The following BRWD1 variants were observed in gnomAD, a reference collection of about 807,000 sequenced individuals.
The protein encoded by BRWD1 is bromodomain and WD repeat domain containing 1.
A neutral mutation model predicts 251.2 loss-of-function variants in BRWD1; 82 were observed. The observed-to-expected ratio is 0.33, with a 90% CI of 0.27 to 0.39. BRWD1 has a LOEUF of 0.39. BRWD1 is among the 10% of genes least tolerant of loss of function. The pLI is 1.00. For missense variants in BRWD1, 2,233 were observed against 2,711.6 expected (o/e 0.82, Z 3.92); for synonymous variants, 918 against 902.8 (o/e 1.02, Z -0.30).
At chr21:39,267,391 C>T (rs983611644) in intron 15 of BRWD1, among the ~76,000 whole-genome samples, 1 of 152,008 alleles carries the variant, frequency 6.6e-6, no homozygotes, top group Non-Finnish European at 1.5e-5. Context: ...GTCAGGAGAT[C>T]GAGACCATCC....
intron 25 of BRWD1, among the ~76,000 whole-genome samples, chr21:39,231,332 A>G (rs1479554639): frequency 6.6e-6 from 1 of 152,156 alleles, no homozygotes; most frequent in Non-Finnish European, 1.5e-5. Context: ...CATTTTTCCT[A>G]TTAGTAATAC....
rs200572296 is a variant in BRWD1, at chr21:39,232,259, T to C, written c.2918A>G (p.Glu973Gly). The change falls in exon 25 of 41, where the codon GAA becomes GGA. Residue 973 changes from glutamate to glycine, a missense_variant. Physicochemically the swap from Glu to Gly is moderately conservative, Grantham distance 98. This residue lies in a region of BRWD1 where 139 missense variants were observed against 272.8 expected (regional missense o/e 0.51). Coordinates refer to ENST00000342449, the MANE Select transcript of BRWD1 (RefSeq NM_033656.4). ...TCTTCTTACAGCCTCAATATAAGCT[T>C]CATGACCCTGTCGAAAATATATTAC... ...DEVIYFRQGH[E>G]AYIEAVRRNN... 8 of 1,613,290 alleles carry C rather than the reference T, an allele frequency of 5.0e-6. No individual in the cohort carries two copies. In the Admixed American group the frequency reaches 1.3e-4, roughly 27 times the overall value.
chr21:39,213,368 A>G (rs2032747145), intron 33 of BRWD1, 113 bp downstream of exon 33: 5 of 867,502 alleles, frequency 5.8e-6, no homozygotes, highest in Non-Finnish European at 3.7e-6. Flanking sequence ...CAAATGCCCT[A>G]TTTGTTCATT....
intron 34 of BRWD1, 95 bp downstream of exon 34, chr21:39,212,571 T>C: frequency 4.2e-6 from 4 of 959,722 alleles, no homozygotes; most frequent in Non-Finnish European, 6.5e-6. Flanking sequence ...GTATCTACAC[T>C]GATATAACTT....
At position 39,192,683 on chromosome 21, in the gene BRWD1, G is replaced by A. The variant is rs2031613843; in HGVS notation, c.*3576C>T. 2 of 984,746 alleles carry A rather than the reference G, an allele frequency of 2.0e-6. No individual in the cohort carries two copies. The highest frequency in any genetic ancestry group is 4.7e-5 in the South Asian group (1 of 21,274). 61.0% of individuals were successfully genotyped at this position (984,746 alleles called of 1,614,324 possible). On this transcript the variant is annotated 3_prime_UTR_variant, in exon 41 of 41. Coordinates refer to ENST00000342449, the MANE Select transcript of BRWD1 (RefSeq NM_033656.4). ...GAGCTGGTTATTTCAGCTTTAAAAG[G>A]GCAAAGCAAAAAGACCATTTTCTAG...
chr21:39,315,700 A>C (rs2036689369), upstream of BRWD1: 1 of 152,002 alleles, frequency 6.6e-6, no homozygotes, highest in South Asian at 2.1e-4. Context: ...CAGTAAGTTA[A>C]CTCCTTACAT....
upstream of BRWD1, among the ~76,000 whole-genome samples, chr21:39,316,309 C>G (rs1018506204): frequency 1.1e-4 from 16 of 152,234 alleles, no homozygotes; most frequent in African/African-American, 3.6e-4. Context: ...GTTGTGCCAA[C>G]AAATAAGGTA....
chr21:39,254,084 T>C (rs970459339), intron 19 of BRWD1, among the ~76,000 whole-genome samples: 1 of 152,074 alleles, frequency 6.6e-6, no homozygotes, highest in Non-Finnish European at 1.5e-5. Context: ...CTGACCAACA[T>C]GGAGAAACCC....
intron 8 of BRWD1, among the ~76,000 whole-genome samples, chr21:39,293,222 C>T (rs1463588657): frequency 6.6e-6 from 1 of 152,106 alleles, no homozygotes. Flanking sequence ...CTAAGCGGCA[C>T]GGTGGCTCAC....
chr21:39,205,995 A>T, intron 37 of BRWD1, 113 bp downstream of exon 37: 1 of 1,049,514 alleles, frequency 9.5e-7, no homozygotes, highest in Admixed American at 2.4e-5. Context: ...CAGGAAAATC[A>T]CTTGAACCCG....
intron 39 of BRWD1, among the ~76,000 whole-genome samples, 200 bp from the exon 40 acceptor site, chr21:39,199,862 T>C (rs1488240051): frequency 6.6e-6 from 1 of 152,180 alleles, no homozygotes; most frequent in Non-Finnish European, 1.5e-5. Flanking sequence ...GCGATTCTCC[T>C]ACCTCAGCCT....
At position 39,187,548 on chromosome 21, in the gene BRWD1, T is replaced by C; in HGVS notation, c.*8711A>G. The C allele has an allele frequency of 3.6e-6, 5 of 1,397,182 alleles. No individual in the cohort carries two copies. Among genetic ancestry groups the C allele is most frequent in the Non-Finnish European group, 4.6e-6 (5 of 1,081,994 alleles). 86.5% of individuals were successfully genotyped at this position (1,397,182 alleles called of 1,614,324 possible). A position where few individuals can be genotyped will look rare whatever the true frequency, so the allele number is the denominator to read the frequency against. ...AAGTCATATTGCTAAATGATAAATT[T>C]TAAAATGTGATACTAAGGGCTTCTT... On this transcript the variant is annotated 3_prime_UTR_variant, in exon 41 of 41. Transcript: ENST00000342449.
chr21:39,237,016 G>A (rs2033834411), intron 22 of BRWD1, among the ~76,000 whole-genome samples: 1 of 151,822 alleles, frequency 6.6e-6, no homozygotes, highest in Middle Eastern at 3.2e-3. Flanking sequence ...ATTAGGAAAG[G>A]ATGTAAACCC....
At chr21:39,270,114 T>C in intron 14 of BRWD1, 81 bp from the exon 15 acceptor site, 2 of 1,300,560 alleles carry the variant, frequency 1.5e-6, no homozygotes, top group Non-Finnish European at 2.0e-6. Context: ...TGTTACAGCA[T>C]ATACTTTTAG....
At chr21:39,272,415 T>G (rs1463264299) in intron 13 of BRWD1, among the ~76,000 whole-genome samples, 2 of 150,806 alleles carry the variant, frequency 1.3e-5, no homozygotes, top group Non-Finnish European at 3.0e-5. Flanking sequence ...TAGTCTCAGC[T>G]ACTCGTGAGG....
At chr21:39,316,111 A>T (rs2036695886), upstream of BRWD1, among the ~76,000 whole-genome samples, 1 of 152,194 alleles carries the variant, frequency 6.6e-6, no homozygotes. Flanking sequence ...CTATTTTAGG[A>T]TGGATTTGAG....
At chr21:39,213,807 T>C (rs1292622500) in intron 32 of BRWD1, among the ~76,000 whole-genome samples, 1 of 152,100 alleles carries the variant, frequency 6.6e-6, no homozygotes, top group Non-Finnish European at 1.5e-5. Context: ...AAATAATATA[T>C]GTATGGCCTC....
chr21:39,274,498 A>G (rs1293125396), intron 12 of BRWD1, 26 bp from the exon 13 acceptor site: 1 of 1,542,754 alleles, frequency 6.5e-7, no homozygotes, highest in South Asian at 1.1e-5. Context: ...ACAGGATCTT[A>G]CTATATTCAC....
chr21:39,250,508 A>G (rs1335606058), intron 20 of BRWD1, among the ~76,000 whole-genome samples: 2 of 151,906 alleles, frequency 1.3e-5, no homozygotes, highest in South Asian at 2.1e-4. Flanking sequence ...GAGCCCTTAA[A>G]AAAAAAAAAG....
Sources: allele counts gnomAD v4.1 joint callset (sites outside exome capture counted in the v4.1 genomes callset), GRCh38; gene constraint gnomAD v4.1.1; regional missense constraint gnomAD v4.1.1; transcripts MANE v1.5; gene names NCBI Gene and HGNC (gene_info 2026-07-23, HGNC 2026-07-21).